NNT: variants seen among roughly 807,000 people sequenced by gnomAD.
NNT encodes the protein NAD(P) transhydrogenase, mitochondrial.
A neutral mutation model predicts 104.8 loss-of-function variants in NNT; 50 were observed. The observed-to-expected ratio is 0.48, with a 90% CI of 0.38 to 0.60. The LOEUF (loss-of-function observed/expected upper bound fraction) is 0.60, where lower values mean the gene tolerates loss of function less well. Ranked by LOEUF, NNT falls within the 20% of genes least tolerant of loss-of-function variation. The pLI is 0.00. For synonymous variants in NNT, 461 were observed against 490.4 expected (o/e 0.94, Z 0.79); for missense variants, 1,131 against 1,330.7 (o/e 0.85, Z 2.33).
At chr5:43,680,427 C>G (rs1741643103) in intron 19 of NNT, among the ~76,000 whole-genome samples, 1 of 152,194 alleles carries the variant, frequency 6.6e-6, no homozygotes, top group Non-Finnish European at 1.5e-5. Context: ...TTGAGTACAG[C>G]TGCTGGGCCT....
intron 10 of NNT, among the ~76,000 whole-genome samples, chr5:43,647,698 G>A (rs16873433): frequency 0.043 from 6,541 of 152,130 alleles, 165 homozygotes; most frequent in East Asian, 0.12. Flanking sequence ...TTAGTTTATT[G>A]AATAGTTGAT....
At chr5:43,702,503 G>A (rs1381523270) in intron 20 of NNT, 118 bp from the exon 21 acceptor site, 1 of 636,024 alleles carries the variant, frequency 1.6e-6, no homozygotes, top group Non-Finnish European at 2.5e-6. Flanking sequence ...TGGCACAAGT[G>A]CGAATCCTAT....
At chr5:43,690,939 C>A (rs1353263397) in intron 19 of NNT, among the ~76,000 whole-genome samples, 1 of 151,998 alleles carries the variant, frequency 6.6e-6, no homozygotes, top group Admixed American at 6.5e-5. Flanking sequence ...ATTTTAAATT[C>A]TTTCTTTTGC....
At position 43,659,302 on chromosome 5, in the gene NNT, T is replaced by C; in HGVS notation, c.2586T>C (p.Gly862=). The C allele has an allele frequency of 6.2e-7, 1 of 1,614,038 alleles. No individual in the cohort carries two copies. The highest frequency in any genetic ancestry group is 8.5e-7 in the Non-Finnish European group (1 of 1,180,020). ...ACAACAATCTGCTGACCATCGTGGGTGCACTCATAGGCTCGTCTGGTGCTA... is the reference window on the plus strand; with the variant it reads ...ACAACAATCTGCTGACCATCGTGGGCGCACTCATAGGCTCGTCTGGTGCTA... ...LLNNNLLTIV[G]ALIGSSGAIL... Residue 862 remains glycine (G), a synonymous_variant, in exon 17 of 22, where the codon GGT becomes GGC. Transcript: ENST00000344920.
At chr5:43,662,718 C>A (rs1456129809) in intron 17 of NNT, among the ~76,000 whole-genome samples, 11 of 152,112 alleles carry the variant, frequency 7.2e-5, no homozygotes, top group East Asian at 1.9e-4. Flanking sequence ...CATGATAAAA[C>A]CCTGTCTCTA....
At chr5:43,681,110 A>T (rs1741686078) in intron 19 of NNT, among the ~76,000 whole-genome samples, 6 of 151,700 alleles carry the variant, frequency 4.0e-5, no homozygotes. Flanking sequence ...AATACAAAAG[A>T]TTAGCCAGGC....
intron 6 of NNT, 108 bp from the exon 7 acceptor site, chr5:43,628,092 T>G (rs998544547): frequency 3.6e-6 from 3 of 836,564 alleles, no homozygotes; most frequent in Non-Finnish European, 5.1e-6. Flanking sequence ...ACTGTTGACT[T>G]TTGAATATAT....
At chr5:43,680,019 A>G (rs1322740026) in intron 19 of NNT, among the ~76,000 whole-genome samples, 1 of 151,718 alleles carries the variant, frequency 6.6e-6, no homozygotes, top group Non-Finnish European at 1.5e-5. Flanking sequence ...TTTTTTTACT[A>G]TAGTATGTTG....
At chr5:43,662,650 T>C (rs934156675) in intron 17 of NNT, among the ~76,000 whole-genome samples, 2 of 152,178 alleles carry the variant, frequency 1.3e-5, no homozygotes, top group Non-Finnish European at 2.9e-5. Flanking sequence ...TCTAGCACTT[T>C]GGGAGGCTAA....
intron 11 of NNT, 106 bp from the exon 12 acceptor site, chr5:43,650,371 G>C: frequency 1.4e-6 from 1 of 722,366 alleles, no homozygotes; most frequent in Non-Finnish European, 2.3e-6. Flanking sequence ...TTTTAATATT[G>C]AGAACTTTAC....
chr5:43,618,411 C>A (rs1205378727), intron 4 of NNT, among the ~76,000 whole-genome samples: 2 of 152,134 alleles, frequency 1.3e-5, no homozygotes, highest in Non-Finnish European at 2.9e-5. Context: ...TACTTTGAAC[C>A]ATTAGAGATC....
intron 2 of NNT, among the ~76,000 whole-genome samples, chr5:43,610,386 A>G (rs900117553): frequency 1.3e-5 from 2 of 152,050 alleles, no homozygotes; most frequent in Non-Finnish European, 2.9e-5. Context: ...GAACTCAGAC[A>G]TGTAGCTGTA....
At chr5:43,626,096 A>G (rs1750346311) in intron 6 of NNT, among the ~76,000 whole-genome samples, 1 of 151,668 alleles carries the variant, frequency 6.6e-6, no homozygotes, top group Non-Finnish European at 1.5e-5. Context: ...ATATACATGT[A>G]CATACAGTAA....
intron 19 of NNT, among the ~76,000 whole-genome samples, chr5:43,691,836 C>T (rs142185788): frequency 1.3e-5 from 2 of 152,232 alleles, no homozygotes; most frequent in African/African-American, 4.8e-5. Context: ...AGGATCTCTG[C>T]CTTTGTTGGA....
At chr5:43,625,932 T>G (rs1290560920) in intron 6 of NNT, among the ~76,000 whole-genome samples, 2 of 152,186 alleles carry the variant, frequency 1.3e-5, no homozygotes, top group African/African-American at 4.8e-5. Context: ...CCATTTATCT[T>G]TTTTCAATTA....
chr5:43,701,395 G>A (rs1162967176), intron 20 of NNT, among the ~76,000 whole-genome samples: 1 of 152,076 alleles, frequency 6.6e-6, no homozygotes, highest in East Asian at 1.9e-4. Flanking sequence ...TTTCCATGTT[G>A]CTGGAAAGGA....
intron 17 of NNT, chr5:43,667,031 G>T (rs75283102): frequency 1.3e-4 from 212 of 1,596,426 alleles, no homozygotes; most frequent in Non-Finnish European, 1.6e-4. Context: ...GCCTGGGCAC[G>T]TGCACTCATG....
chr5:43,674,169 T>C lies in NNT; in HGVS notation c.2635-1342T>C, dbSNP rs367926236. On this transcript the variant is annotated intron_variant, in intron 17 of 21. Coordinates refer to ENST00000344920, the MANE Select transcript of NNT (RefSeq NM_182977.3). The stretch of plus-strand genomic sequence containing the variant: ...CTCTGTAAAATGTCAATGTTGTGTC[T>C]GATAAACGAGTTTAGATTGAAAGAA... Among the ~76,000 whole-genome samples, 18 of 152,392 alleles carry C rather than the reference T, an allele frequency of 1.2e-4. No individual in the cohort carries two copies. In the East Asian group the frequency reaches 2.5e-3, roughly 21 times the overall value.
At chr5:43,668,995 C>T (rs1409374902) in intron 17 of NNT, among the ~76,000 whole-genome samples, 1 of 152,200 alleles carries the variant, frequency 6.6e-6, no homozygotes, top group African/African-American at 2.4e-5. Flanking sequence ...AGGTCCTTCA[C>T]ATCCCTTGTA....
Sources: gnomAD v4.1 joint callset for allele counts (sites outside exome capture counted in the v4.1 genomes callset) on GRCh38, gnomAD v4.1.1 for gene constraint, MANE v1.5 for transcripts, NCBI Gene and HGNC (gene_info 2026-07-23, HGNC 2026-07-21) for gene names.